Variants in ADGRL3 observed in about 807,000 individuals in gnomAD.
ADGRL3 encodes the protein calcium-independent alpha-latrotoxin receptor 3.
A neutral mutation model predicts 153.5 loss-of-function variants in ADGRL3; 62 were observed. The observed-to-expected ratio is 0.40, with a 90% CI of 0.33 to 0.50. The LOEUF (loss-of-function observed/expected upper bound fraction) is 0.50, where lower values mean the gene tolerates loss of function less well. Ranked by LOEUF, ADGRL3 falls within the 20% of genes least tolerant of loss-of-function variation. The probability of loss-of-function intolerance (pLI) is 0.47; values close to 1 mark genes in which losing one functional copy is unlikely to be tolerated. For synonymous variants in ADGRL3, 710 were observed against 672.5 expected (o/e 1.06, Z -0.86); for missense variants, 1,641 against 1,859.4 (o/e 0.88, Z 2.16).
At chr4:61,410,649 G>GAA (rs2097075110) in intron 2 of ADGRL3, among the ~76,000 whole-genome samples, 1 of 152,168 alleles carries the variant, frequency 6.6e-6, no homozygotes, top group African/African-American at 2.4e-5. Flanking sequence ...TGGTGGACAG[G>GAA]TGATCTCCAA....
At chr4:61,446,194 C>T (rs1027633547) in intron 2 of ADGRL3, among the ~76,000 whole-genome samples, 1 of 152,158 alleles carries the variant, frequency 6.6e-6, no homozygotes, top group African/African-American at 2.4e-5. Flanking sequence ...TGCTCTCCTT[C>T]TCCCTCTTTC....
chr4:61,741,680 A>G (rs1362826776), intron 8 of ADGRL3, among the ~76,000 whole-genome samples: 1 of 152,222 alleles, frequency 6.6e-6, no homozygotes, highest in Non-Finnish European at 1.5e-5. Flanking sequence ...TCCCAGAATG[A>G]CATCTGCCTT....
intron 6 of ADGRL3, among the ~76,000 whole-genome samples, chr4:61,704,149 G>A (rs924802008): frequency 6.6e-6 from 1 of 152,096 alleles, no homozygotes; most frequent in Non-Finnish European, 1.5e-5. Context: ...TGTATAGGCA[G>A]ACTTTGTTAT....
At chr4:61,732,614 T>C (rs1346444553) in intron 7 of ADGRL3, 140 bp from the exon 8 acceptor site, 1 of 447,968 alleles carries the variant, frequency 2.2e-6, no homozygotes, top group Non-Finnish European at 3.9e-6. Context: ...GAATACTTTG[T>C]GTTCTTAAAA....
rs554279737 is a variant in ADGRL3 at position 61,793,534 on chromosome 4, C to T, written c.1400-20275C>T. Among the ~76,000 whole-genome samples the T allele has an allele frequency of 1.7e-4, 26 of 152,282 alleles. No homozygotes were observed. In the East Asian group the frequency reaches 4.6e-3, roughly 27 times the overall value. On this transcript the variant is annotated intron_variant, in intron 8 of 26. Transcript: ENST00000683033. ...GTTACCTCCCACTGGGTCCCTCCCACAGCATGTGGGAATTGTGAGAATTAC... is the reference window on the plus strand; with the variant it reads ...GTTACCTCCCACTGGGTCCCTCCCATAGCATGTGGGAATTGTGAGAATTAC...
At position 62,076,233 on chromosome 4, in the gene ADGRL3, G is replaced by C. The variant is rs1747098151; in HGVS notation, c.*5325G>C. 1 of 151,952 alleles carries C rather than the reference G, an allele frequency of 6.6e-6. No homozygotes were observed. Among genetic ancestry groups the C allele is most frequent in the Non-Finnish European group, 1.5e-5 (1 of 67,944 alleles). 9.4% of individuals were successfully genotyped at this position (151,952 alleles called of 1,614,324 possible). ...CTATAAGTTACTATTCAAATGTCTT[G>C]ATTTCAGCTAAGTTTTGATGTTTCT... On this transcript the variant is annotated 3_prime_UTR_variant, in exon 27 of 27. Coordinates refer to ENST00000683033, the MANE Select transcript of ADGRL3 (RefSeq NM_001387552.1).
intron 2 of ADGRL3, among the ~76,000 whole-genome samples, chr4:61,413,548 G>A (rs559492538): frequency 7.2e-5 from 11 of 152,216 alleles, no homozygotes; most frequent in Admixed American, 4.6e-4. Context: ...TAATGTGGGT[G>A]TGGGTGAGGC....
chr4:61,312,831 C>T (rs2095061718), intron 1 of ADGRL3, among the ~76,000 whole-genome samples: 1 of 152,116 alleles, frequency 6.6e-6, no homozygotes, highest in Non-Finnish European at 1.5e-5. Context: ...CAGTTTCTTA[C>T]AATACTCTTA....
intron 5 of ADGRL3, among the ~76,000 whole-genome samples, chr4:61,630,852 C>A (rs1264434605): frequency 2.0e-5 from 3 of 152,182 alleles, no homozygotes; most frequent in Non-Finnish European, 4.4e-5. Flanking sequence ...CTTACCTTGT[C>A]ATTTAGAAGA....
chr4:61,773,237 C>G (rs1162870919), intron 8 of ADGRL3, among the ~76,000 whole-genome samples: 1 of 152,004 alleles, frequency 6.6e-6, no homozygotes, highest in African/African-American at 2.4e-5. Context: ...CTTTTTAAGC[C>G]CTGGACAACA....
intron 21 of ADGRL3, among the ~76,000 whole-genome samples, chr4:62,000,706 A>C (rs1326288194): frequency 2.0e-5 from 3 of 152,164 alleles, no homozygotes; most frequent in African/African-American, 4.8e-5. Context: ...TAAAAAATTT[A>C]GTAAATGAAG....
chr4:61,291,583 CATATATAT>C (rs1207822155), intron 1 of ADGRL3, among the ~76,000 whole-genome samples: 2 of 77,542 alleles, frequency 2.6e-5, no homozygotes, highest in African/African-American at 1.0e-4. Flanking sequence ...TATATATATA[CATATATAT>C]ATATATATAT....
In ADGRL3 at chr4:61,593,682, T is replaced by A. The variant is rs567840461; in HGVS notation, c.473+6242T>A. Among the ~76,000 whole-genome samples, 5 of 152,228 alleles carry A rather than the reference T, an allele frequency of 3.3e-5. No individual in the cohort carries two copies. The South Asian group carries it at 8.3e-4, about 25-fold the overall frequency. Reference sequence around the variant, plus strand: ...ACATTGGAGCTTTATGTCATTTGGGTTTTTTGTTTTGTTTCGGTTTGGTTT... The same window carrying A: ...ACATTGGAGCTTTATGTCATTTGGGATTTTTGTTTTGTTTCGGTTTGGTTT... On this transcript the variant is annotated intron_variant, in intron 5 of 26. Transcript: ENST00000683033.
At chr4:62,037,257 T>TTCTC (rs372127901) in intron 23 of ADGRL3, among the ~76,000 whole-genome samples, 2 of 151,496 alleles carry the variant, frequency 1.3e-5, no homozygotes, top group Admixed American at 6.6e-5. Context: ...TCTCTGATAT[T>TTCTC]TCTCTCTCTC....
chr4:62,069,979 T>C lies in ADGRL3; in HGVS notation c.3833-130T>C. 3 of 731,716 alleles carry C rather than the reference T, an allele frequency of 4.1e-6. No individual in the cohort carries two copies. The South Asian group carries it at 5.7e-5, about 14-fold the overall frequency. The allele number at this position is 731,716 out of a possible 1,614,324, so 45.3% of individuals were successfully genotyped here. A position where few individuals can be genotyped will look rare whatever the true frequency, so the allele number is the denominator to read the frequency against. ...GTATTTTCTGTTTCCTTCCAAACAT[T>C]TTATACTTAAGTAAATGCTAGCAAT... On this transcript the variant is annotated intron_variant, in intron 26 of 26. Transcript: ENST00000683033.
At chr4:61,277,586 G>A (rs934911964) in intron 1 of ADGRL3, among the ~76,000 whole-genome samples, 3 of 151,886 alleles carry the variant, frequency 2.0e-5, no homozygotes, top group Non-Finnish European at 4.4e-5. Flanking sequence ...AAAATCACAG[G>A]GATATAGTGG....
At chr4:61,477,860 C>T (rs2098084321) in intron 2 of ADGRL3, among the ~76,000 whole-genome samples, 1 of 151,858 alleles carries the variant, frequency 6.6e-6, no homozygotes, top group African/African-American at 2.4e-5. Context: ...TTTTTTACTA[C>T]AGAATTTGTG....
At chr4:61,798,786 T>C (rs958742547) in intron 8 of ADGRL3, among the ~76,000 whole-genome samples, 2 of 150,770 alleles carry the variant, frequency 1.3e-5, no homozygotes, top group Non-Finnish European at 3.0e-5. Context: ...CACAGCTAAT[T>C]TTTTATGTTT....
intron 5 of ADGRL3, among the ~76,000 whole-genome samples, chr4:61,604,983 G>A (rs1193751394): frequency 1.3e-5 from 2 of 150,128 alleles, no homozygotes; most frequent in Admixed American, 1.3e-4. Context: ...CCAGCTACTT[G>A]GGAGGCTAAG....
Sources: gnomAD v4.1 joint callset for allele counts (sites outside exome capture counted in the v4.1 genomes callset) on GRCh38, gnomAD v4.1.1 for gene constraint, MANE v1.5 for transcripts, NCBI Gene and HGNC (gene_info 2026-07-23, HGNC 2026-07-21) for gene names.